RBFOX1: variants seen among roughly 807,000 people sequenced by gnomAD.
RBFOX1 encodes RNA binding protein fox-1 homolog 1.
A neutral mutation model predicts 57.7 loss-of-function variants in RBFOX1; 8 were observed. The ratio of observed to expected loss-of-function variants is 0.14; its 90% CI spans 0.08 to 0.25. The LOEUF is 0.25. Among genes scored for constraint, RBFOX1 ranks in the 10% least tolerant of loss-of-function variants. The pLI, the probability that RBFOX1 is intolerant of heterozygous loss-of-function variation, is 1.00. For synonymous variants in RBFOX1, 326 were observed against 222.4 expected, an observed-to-expected ratio of 1.47 and a Z score of -4.15; for missense variants, 611 against 548.5, an observed-to-expected ratio of 1.11 and a Z score of -1.14.
chr16:7,204,381 C>T (rs1033723366), intron 4 of RBFOX1, among the ~76,000 whole-genome samples: 6 of 151,046 alleles, frequency 4.0e-5, no homozygotes, highest in African/African-American at 1.5e-4. Context: ...ATGGCATATA[C>T]CTGAAATCCC....
chr16:5,441,066 C>G (rs1451264519), intron 1 of RBFOX1, among the ~76,000 whole-genome samples: 2 of 152,152 alleles, frequency 1.3e-5, no homozygotes, highest in East Asian at 3.8e-4. Context: ...GGTCACAGTG[C>G]CTTGACTTGG....
intron 3 of RBFOX1, among the ~76,000 whole-genome samples, chr16:6,763,186 G>A (rs2076873123): frequency 6.6e-6 from 1 of 152,172 alleles, no homozygotes; most frequent in African/African-American, 2.4e-5. Flanking sequence ...AATGCCTTCA[G>A]CTCAATGTTT....
rs576139765 is a variant in RBFOX1 at position 7,712,997 on chromosome 16, C to T, written c.*2252C>T. On this transcript the variant is annotated 3_prime_UTR_variant, in exon 16 of 16. Coordinates refer to ENST00000550418, the MANE Select transcript of RBFOX1 (RefSeq NM_018723.4). Reference sequence around the variant, plus strand: ...TAAAATCATTTAGAGTGAGTGAGTGCCAACCGATGTTGCAGAATCTTTTGT... The same window carrying T: ...TAAAATCATTTAGAGTGAGTGAGTGTCAACCGATGTTGCAGAATCTTTTGT... 6.6e-6 allele frequency: 1 copy of T among 152,246 alleles called. No homozygotes were observed. Among genetic ancestry groups the T allele is most frequent in the South Asian group, 2.1e-4 (1 of 4,824 alleles). The allele number at this position is 152,246 out of a possible 1,614,324, so 9.4% of individuals were successfully genotyped here.
At chr16:6,786,852 A>G (rs866861787) in intron 3 of RBFOX1, among the ~76,000 whole-genome samples, 1 of 152,118 alleles carries the variant, frequency 6.6e-6, no homozygotes, top group Non-Finnish European at 1.5e-5. Context: ...ATTTGAGGAT[A>G]GCATATTTCA....
chr16:6,561,781 T>C (rs1219776577), intron 2 of RBFOX1, among the ~76,000 whole-genome samples: 4 of 152,336 alleles, frequency 2.6e-5, no homozygotes, highest in Non-Finnish European at 5.9e-5. Flanking sequence ...AAGTGATTAG[T>C]GGACAGATTT....
chr16:6,808,403 A>G (rs923280808), intron 3 of RBFOX1, among the ~76,000 whole-genome samples: 7 of 152,018 alleles, frequency 4.6e-5, no homozygotes, highest in Non-Finnish European at 7.4e-5. Context: ...CTTAAGTGCT[A>G]TGGAAGCAGA....
At chr16:6,934,013 G>A (rs1471886418) in intron 3 of RBFOX1, among the ~76,000 whole-genome samples, 5 of 152,196 alleles carry the variant, frequency 3.3e-5, no homozygotes, top group African/African-American at 9.6e-5. Flanking sequence ...AGGGGTCAGG[G>A]AGGGGACACG....
chr16:5,604,834 C>G (rs150151805), downstream of RBFOX1, among the ~76,000 whole-genome samples: 26 of 152,340 alleles, frequency 1.7e-4, no homozygotes, highest in African/African-American at 6.0e-4. Flanking sequence ...ACCCTCCAGA[C>G]TTCCTTATCC....
intron 1 of RBFOX1, chr16:6,093,030 A>C (rs967694481): frequency 6.6e-6 from 1 of 152,208 alleles, no homozygotes; most frequent in African/African-American, 2.4e-5. Flanking sequence ...ATTTACCTGT[A>C]TGACAAACCT....
intron 2 of RBFOX1, among the ~76,000 whole-genome samples, chr16:5,484,635 G>C (rs781638413): frequency 6.6e-6 from 1 of 152,088 alleles, no homozygotes; most frequent in Non-Finnish European, 1.5e-5. Context: ...TAAAATGGCC[G>C]GGTGTGGTGG....
At chr16:6,564,976 A>T (rs1004191203) in intron 2 of RBFOX1, among the ~76,000 whole-genome samples, 1 of 152,010 alleles carries the variant, frequency 6.6e-6, no homozygotes, top group Admixed American at 6.6e-5. Context: ...CCCCATTTGT[A>T]CTAAAAATAC....
chr16:7,617,497 C>A (rs1467508812), intron 10 of RBFOX1, among the ~76,000 whole-genome samples: 3 of 152,020 alleles, frequency 2.0e-5, no homozygotes, highest in Non-Finnish European at 2.9e-5. Flanking sequence ...CCAGTTTAAG[C>A]CCTTGAGAGT....
At chr16:6,873,646 C>G (rs952084960) in intron 3 of RBFOX1, among the ~76,000 whole-genome samples, 8 of 152,168 alleles carry the variant, frequency 5.3e-5, no homozygotes, top group Non-Finnish European at 8.8e-5. Flanking sequence ...CCATGAGATT[C>G]TCTGCATTCA....
intron 1 of RBFOX1, among the ~76,000 whole-genome samples, chr16:5,375,000 G>A (rs1467141080): frequency 6.8e-6 from 1 of 147,346 alleles, no homozygotes; most frequent in Admixed American, 7.0e-5. Context: ...AGACTGGTCT[G>A]GAATTCCAGA....
At chr16:5,363,137 G>A (rs1001910424) in intron 1 of RBFOX1, among the ~76,000 whole-genome samples, 10 of 149,186 alleles carry the variant, frequency 6.7e-5, no homozygotes, top group Non-Finnish European at 1.3e-4. Context: ...GGGTTCAAGC[G>A]AGTCTCCTGC....
At chr16:5,867,200 C>T (rs939759828) in intron 3 of RBFOX1, 10 of 704,888 alleles carry the variant, frequency 1.4e-5, no homozygotes, top group Admixed American at 4.4e-5. Flanking sequence ...TTTGTCCCCT[C>T]GGGTCATAAC....
intron 1 of RBFOX1, among the ~76,000 whole-genome samples, chr16:6,128,549 C>G (rs1448978684): frequency 2.6e-5 from 4 of 152,188 alleles, no homozygotes; most frequent in Non-Finnish European, 5.9e-5. Flanking sequence ...TAGTTGGTGC[C>G]AAGCACTGTG....
intron 10 of RBFOX1, among the ~76,000 whole-genome samples, chr16:7,624,736 C>A (rs954030409): frequency 1.3e-5 from 2 of 152,142 alleles, no homozygotes; most frequent in African/African-American, 2.4e-5. Context: ...AGCTCCTTTC[C>A]TCGGCTGAGT....
chr16:5,381,232 T>G (rs901444384), intron 1 of RBFOX1, among the ~76,000 whole-genome samples: 1 of 152,236 alleles, frequency 6.6e-6, no homozygotes, highest in African/African-American at 2.4e-5. Context: ...GGGCAGACCC[T>G]ATGCCCTTGG....
Sources: allele counts gnomAD v4.1 joint callset (sites outside exome capture counted in the v4.1 genomes callset), GRCh38; gene constraint gnomAD v4.1.1; transcripts MANE v1.5; gene names NCBI Gene and HGNC (gene_info 2026-07-23, HGNC 2026-07-21).